Variants in ZKSCAN7 observed in about 807,000 individuals in gnomAD.
ZKSCAN7 encodes zinc finger protein with KRAB and SCAN domains 7.
In ZKSCAN7, 38 loss-of-function variants were observed where a neutral mutation model predicts 65.3. The observed-to-expected ratio is 0.58, with a 90% CI of 0.45 to 0.76. The LOEUF is 0.76. Ranked by LOEUF, ZKSCAN7 falls within the 30% of genes least tolerant of loss-of-function variation. The probability of loss-of-function intolerance (pLI) is 0.00; values close to 1 mark genes in which losing one functional copy is unlikely to be tolerated. For synonymous variants in ZKSCAN7, 321 were observed against 321.0 expected (o/e 1.00, Z 0.00); for missense variants, 815 against 913.3 (o/e 0.89, Z 1.39).
At chr3:44,579,979 G>A (rs572481897) in intron 5 of ZKSCAN7, 2 of 1,588,614 alleles carry the variant, frequency 1.3e-6, no homozygotes, top group Non-Finnish European at 1.7e-6. Flanking sequence ...GGAGCTTGGG[G>A]GGGGGCTTCA....
At chr3:44,580,360 T>C (rs1700042804) in intron 5 of ZKSCAN7, 6 of 1,609,734 alleles carry the variant, frequency 3.7e-6, no homozygotes, top group Non-Finnish European at 5.1e-6. Context: ...TGGCTCTGGC[T>C]GGGACTCTGA....
At position 44,557,224 on chromosome 3, in the gene ZKSCAN7, A is replaced by T; in HGVS notation, c.177A>T (p.Gln59His). 6.2e-7 allele frequency: 1 copy of T among 1,614,262 alleles called. No individual in the cohort carries two copies. The highest frequency in any genetic ancestry group is 2.2e-5 in the East Asian group (1 of 44,884). Residue 59 changes from glutamine to histidine, a missense_variant, in exon 2 of 6, where the codon CAA (glutamine) becomes CAT (histidine). Coordinates refer to ENST00000426540, the MANE Select transcript of ZKSCAN7 (RefSeq NM_001288590.2). ...VCEIFRLHFR[Q>H]LCYHEMSGPQ... Reference sequence around the variant, plus strand: ...AAATCTTCCGGCTACACTTCAGGCAATTGTGTTACCACGAGATGTCTGGGC... The same window carrying T: ...AAATCTTCCGGCTACACTTCAGGCATTTGTGTTACCACGAGATGTCTGGGC...
chr3:44,568,225 A>G, intron 4 of ZKSCAN7, 82 bp from the exon 5 acceptor site: 1 of 1,572,126 alleles, frequency 6.4e-7, no homozygotes, highest in Non-Finnish European at 8.6e-7. Flanking sequence ...TGAAGAGCCC[A>G]TACCCTGTGC....
Position 44,580,826 on chromosome 3 carries a change from C to T in ZKSCAN7, c.812-2146C>T, listed in dbSNP as rs888718512. On this transcript the variant is annotated intron_variant, in intron 5 of 5. Transcript: ENST00000341840. Reference sequence around the variant, plus strand: ...GGATGAAGAACTGTCGCTGCCATTTCGGAGACCGGTGCACTGAGTTGTCAA... The same window carrying T: ...GGATGAAGAACTGTCGCTGCCATTTTGGAGACCGGTGCACTGAGTTGTCAA... The T allele has an allele frequency of 6.8e-6, 11 of 1,613,214 alleles. No individual in the cohort carries two copies. In the African/African-American group the frequency reaches 8.0e-5, roughly 12 times the overall value.
chr3:44,581,206 G>A (rs1700076803), intron 5 of ZKSCAN7, among the ~76,000 whole-genome samples: 1 of 146,974 alleles, frequency 6.8e-6, no homozygotes, highest in Non-Finnish European at 1.5e-5. Flanking sequence ...GGGCCTCACA[G>A]CGCGCGCGAC....
rs1447504269 is a variant in ZKSCAN7 at position 44,571,798 on chromosome 3, A to G, written c.*423A>G. On this transcript the variant is annotated 3_prime_UTR_variant, in exon 6 of 6. Coordinates refer to ENST00000426540, the MANE Select transcript of ZKSCAN7 (RefSeq NM_001288590.2). The stretch of plus-strand genomic sequence containing the variant: ...CTGCCTCTTGGCTATGGCCCTCCCC[A>G]TCTACTCTTTAAACTTTAATCTATA... 3.0e-6 allele frequency: 3 copies of G among 1,004,232 alleles called. No individual in the cohort carries two copies. The highest frequency in any genetic ancestry group is 1.1e-4 in the Admixed American group (2 of 18,756). The allele number at this position is 1,004,232 out of a possible 1,614,324, so 62.2% of individuals were successfully genotyped here. A position where few individuals can be genotyped will look rare whatever the true frequency, so the allele number is the denominator to read the frequency against.
rs555602914 is a variant in ZKSCAN7, at chr3:44,579,978, G to A, written c.812-2994G>A. On this transcript the variant is annotated intron_variant, in intron 5 of 5. Transcript: ENST00000341840. ...CGAGGCGTCTGGGAGAGGAGCTTGG[G>A]GGGGGGCTTCATTGGTGAAGTCCTG... is the stretch of plus-strand genomic sequence containing the variant. The A allele has an allele frequency of 8.3e-5, 130 of 1,570,282 alleles. 1 individual carries two copies. Among genetic ancestry groups the A allele is most frequent in the African/African-American group, 2.1e-4 (15 of 70,896 alleles).
intron 5 of ZKSCAN7, among the ~76,000 whole-genome samples, chr3:44,582,739 G>T (rs2125739070): frequency 6.6e-6 from 1 of 152,280 alleles, no homozygotes; most frequent in East Asian, 1.9e-4. Context: ...TAAAATTTGA[G>T]AATTACTGGA....
At chr3:44,582,672 G>C (rs141354310) in intron 5 of ZKSCAN7, among the ~76,000 whole-genome samples, 1,709 of 152,270 alleles carry the variant, frequency 0.011, 23 homozygotes, top group African/African-American at 0.037. Flanking sequence ...ATAGAAGCTG[G>C]ATACAGGCAG....
Position 44,571,733 on chromosome 3 carries a change from A to G in ZKSCAN7, c.*358A>G. The stretch of plus-strand genomic sequence containing the variant: ...TCTATTCTACTTCCTCCATTTCACC[A>G]TTTATACAAAGTCATTCAAAAAGGC... On this transcript the variant is annotated 3_prime_UTR_variant, in exon 6 of 6. Coordinates refer to ENST00000426540, the MANE Select transcript of ZKSCAN7 (RefSeq NM_001288590.2). 1 of 1,060,502 alleles carries G rather than the reference A, an allele frequency of 9.4e-7. No individual in the cohort carries two copies. Among genetic ancestry groups the G allele is most frequent in the Non-Finnish European group, 1.1e-6 (1 of 875,762 alleles). The allele number at this position is 1,060,502 out of a possible 1,614,324, so 65.7% of individuals were successfully genotyped here. A position where few individuals can be genotyped will look rare whatever the true frequency, so the allele number is the denominator to read the frequency against.
chr3:44,581,078 G>T, intron 5 of ZKSCAN7: 1 of 1,228,528 alleles, frequency 8.1e-7, no homozygotes, highest in East Asian at 4.2e-5. Flanking sequence ...GGCGCTCCCG[G>T]CGGGCTAGGG....
chr3:44,580,372 C>T (rs970617325), intron 5 of ZKSCAN7: 11 of 1,607,728 alleles, frequency 6.8e-6, no homozygotes, highest in Middle Eastern at 1.7e-4. Flanking sequence ...GGACTCTGAG[C>T]TGGACTCAGA....
At chr3:44,569,369 T>C (rs1217286913) in intron 5 of ZKSCAN7, among the ~76,000 whole-genome samples, 2 of 152,212 alleles carry the variant, frequency 1.3e-5, no homozygotes, top group Non-Finnish European at 2.9e-5. Context: ...GCAGTCTTTT[T>C]ACTGTCCTAT....
chr3:44,557,548 TC>T, intron 2 of ZKSCAN7, 78 bp downstream of exon 2: 5 of 1,589,336 alleles, frequency 3.1e-6, no homozygotes, highest in Non-Finnish European at 4.3e-6. Context: ...ATTCTCCACT[TC>T]CCAGGCCCTA....
At chr3:44,582,343 G>A (rs998352886) in intron 5 of ZKSCAN7, among the ~76,000 whole-genome samples, 1 of 152,128 alleles carries the variant, frequency 6.6e-6, no homozygotes, top group African/African-American at 2.4e-5. Flanking sequence ...AATGTATGAC[G>A]GCCCACCTTT....
Position 44,577,707 on chromosome 3 carries a change from G to A in ZKSCAN7, c.812-5265G>A, listed in dbSNP as rs536271978. 5.3e-5 allele frequency among the ~76,000 whole-genome samples: 8 copies of A among 152,246 alleles called. No homozygotes were observed. The East Asian group carries it at 1.5e-3, about 29-fold the overall frequency. The stretch of plus-strand genomic sequence containing the variant: ...AGCCCCCACTGCTGGCCTAATTTTA[G>A]AATACCACGGAAAAAAGCTTTGATG... On this transcript the variant is annotated intron_variant, in intron 5 of 5. Transcript: ENST00000341840.
In ZKSCAN7 at chr3:44,570,093, A is replaced by C. The variant is rs769975607; in HGVS notation, c.983A>C (p.Asp328Ala). 2.5e-6 allele frequency: 4 copies of C among 1,613,906 alleles called. No individual in the cohort carries two copies. In the Admixed American group the frequency reaches 6.7e-5, roughly 27 times the overall value. ...AAGGAGTTAGAAGGACAAACCTCAG[A>C]TGAAGAAGGGAGCAGACTAGAAAAT... ...TFKELEGQTS[D>A]EEGSRLENDF... Residue 328 changes from aspartate to alanine, a missense_variant, in exon 6 of 6, where the codon GAT becomes GCT. Asp to Ala is a moderately radical substitution (Grantham distance 126). Around this residue, in one of 3 missense-constraint regions of ZKSCAN7, gnomAD observed 578 missense variants for 629.5 expected, o/e 0.92. Coordinates refer to ENST00000426540, the MANE Select transcript of ZKSCAN7 (RefSeq NM_001288590.2).
chr3:44,579,887 G>A lies in ZKSCAN7; in HGVS notation c.812-3085G>A, dbSNP rs533195705. 2.4e-4 allele frequency: 390 copies of A among 1,608,244 alleles called. 1 individual carries two copies. Among genetic ancestry groups the A allele is most frequent in the East Asian group, 1.1e-3 (47 of 44,664 alleles). On this transcript the variant is annotated intron_variant, in intron 5 of 5. Transcript: ENST00000341840. ...TTTCTTGAAATTCAGCAGGTCGGGC[G>A]TCACGGAGGGCTCTGTGGACCTCCT...
chr3:44,570,991 A>C lies in ZKSCAN7; in HGVS notation c.1881A>C (p.Arg627Ser). 6.2e-6 allele frequency: 10 copies of C among 1,614,198 alleles called. No individual in the cohort carries two copies. Among genetic ancestry groups the C allele is most frequent in the Non-Finnish European group, 8.5e-6 (10 of 1,180,050 alleles). ...GLSKCLIRHQ[R>S]LHTGEKPYKC... ...GTAAATGTCTTATTCGGCACCAGAG[A>C]CTTCACACGGGTGAAAAGCCCTATA... is the stretch of plus-strand genomic sequence containing the variant. The change falls in exon 6 of 6, where the codon AGA becomes AGC. Residue 627 changes from arginine to serine, a missense_variant. Transcript: ENST00000426540.
Sources: gnomAD v4.1 joint callset for allele counts (sites outside exome capture counted in the v4.1 genomes callset) on GRCh38, gnomAD v4.1.1 for gene constraint, gnomAD v4.1.1 regional missense constraint, MANE v1.5 for transcripts, NCBI Gene and HGNC (gene_info 2026-07-23, HGNC 2026-07-21) for gene names.